ATRNL1: variants seen among roughly 807,000 people sequenced by gnomAD.
ATRNL1 encodes attractin like 1.
ATRNL1 carries 95 observed loss-of-function variants against 182.7 expected under a neutral mutation model. The ratio of observed to expected loss-of-function variants is 0.52; its 90% CI spans 0.44 to 0.62. The LOEUF is 0.62. ATRNL1 is among the 20% of genes least tolerant of loss of function. The probability of loss-of-function intolerance (pLI) is 0.00; values close to 1 mark genes in which losing one functional copy is unlikely to be tolerated. For synonymous variants in ATRNL1, 576 were observed against 568.3 expected (o/e 1.01, Z -0.19); for missense variants, 1,471 against 1,679.5 (o/e 0.88, Z 2.17).
At chr10:115,351,126 T>C (rs1320228893) in intron 19 of ATRNL1, among the ~76,000 whole-genome samples, 2 of 152,192 alleles carry the variant, frequency 1.3e-5, no homozygotes, top group Non-Finnish European at 2.9e-5. Flanking sequence ...ATTTATTTAT[T>C]AGTTCTAATA....
At chr10:115,737,436 A>C (rs544434154) in intron 27 of ATRNL1, among the ~76,000 whole-genome samples, 1 of 146,692 alleles carries the variant, frequency 6.8e-6, no homozygotes, top group South Asian at 2.1e-4. Flanking sequence ...ACCCTGTCTA[A>C]AAAAAAAAAA....
chr10:115,564,838 AT>A (rs1853979352), intron 26 of ATRNL1, among the ~76,000 whole-genome samples: 1 of 151,980 alleles, frequency 6.6e-6, no homozygotes, highest in Non-Finnish European at 1.5e-5. Context: ...TAATAATAGC[AT>A]ATTCTTTATA....
intron 19 of ATRNL1, among the ~76,000 whole-genome samples, chr10:115,386,903 G>A (rs1281927872): frequency 1.4e-5 from 2 of 144,904 alleles, no homozygotes; most frequent in East Asian, 2.1e-4. Flanking sequence ...CTATGAGTGA[G>A]AACATGCGGT....
chr10:115,852,678 G>A (rs1951083966), intron 28 of ATRNL1, among the ~76,000 whole-genome samples: 1 of 152,288 alleles, frequency 6.6e-6, no homozygotes, highest in South Asian at 2.1e-4. Flanking sequence ...TCATCACTGT[G>A]TCCCTGTGGA....
intron 11 of ATRNL1, among the ~76,000 whole-genome samples, chr10:115,266,467 A>G (rs938249705): frequency 9.2e-5 from 14 of 151,586 alleles, no homozygotes; most frequent in African/African-American, 3.4e-4. Flanking sequence ...TTTTTCTGAC[A>G]AAGGAATATT....
At chr10:115,275,188 A>C (rs368049063) in intron 13 of ATRNL1, among the ~76,000 whole-genome samples, 1 of 152,126 alleles carries the variant, frequency 6.6e-6, no homozygotes, top group African/African-American at 2.4e-5. Flanking sequence ...GCTGCTGAGT[A>C]TGTCTATTCC....
At chr10:115,386,835 C>G (rs1394009482) in intron 19 of ATRNL1, among the ~76,000 whole-genome samples, 1 of 116,792 alleles carries the variant, frequency 8.6e-6, no homozygotes, top group Non-Finnish European at 1.7e-5. Context: ...CCACAACAGT[C>G]CCCAGAGTGT....
chr10:115,926,252 T>C (rs782043297), intron 28 of ATRNL1, among the ~76,000 whole-genome samples: 5 of 152,084 alleles, frequency 3.3e-5, no homozygotes, highest in Non-Finnish European at 1.5e-5. Flanking sequence ...GAGACACAGC[T>C]AAAGTGGTGT....
At chr10:115,342,727 T>C (rs539160540) in intron 19 of ATRNL1, among the ~76,000 whole-genome samples, 4 of 151,730 alleles carry the variant, frequency 2.6e-5, no homozygotes, top group African/African-American at 9.7e-5. Flanking sequence ...TTAATGTCAT[T>C]TTTTTTTTCT....
chr10:115,892,939 A>G (rs1952115110), intron 28 of ATRNL1, among the ~76,000 whole-genome samples: 1 of 152,246 alleles, frequency 6.6e-6, no homozygotes, highest in South Asian at 2.1e-4. Flanking sequence ...AATACTTTAG[A>G]GAGACTCAAG....
intron 28 of ATRNL1, among the ~76,000 whole-genome samples, chr10:115,904,026 C>G (rs1555114065): frequency 2.0e-5 from 3 of 152,090 alleles, no homozygotes; most frequent in African/African-American, 7.2e-5. Flanking sequence ...AGGACGGCCT[C>G]AGACCAAGAG....
intron 21 of ATRNL1, among the ~76,000 whole-genome samples, chr10:115,439,893 G>T (rs1201217075): frequency 1.3e-5 from 2 of 151,738 alleles, no homozygotes; most frequent in African/African-American, 2.4e-5. Context: ...TTATATGAAA[G>T]AATTATTATT....
intron 5 of ATRNL1, among the ~76,000 whole-genome samples, chr10:115,152,704 A>G (rs1179498625): frequency 2.6e-5 from 4 of 152,092 alleles, no homozygotes; most frequent in African/African-American, 7.2e-5. Context: ...AATACCCTCT[A>G]TTTCTTTCTC....
At chr10:115,342,950 G>A (rs184462483) in intron 19 of ATRNL1, among the ~76,000 whole-genome samples, 5 of 151,900 alleles carry the variant, frequency 3.3e-5, no homozygotes, top group Admixed American at 1.3e-4. Context: ...ATTGTCTCCC[G>A]GCCCATAAGG....
At chr10:115,567,131 A>C (rs1220296061) in intron 26 of ATRNL1, among the ~76,000 whole-genome samples, 1 of 152,162 alleles carries the variant, frequency 6.6e-6, no homozygotes, top group Admixed American at 6.6e-5. Context: ...TTAGTTTTCA[A>C]ACTGAACATT....
chr10:115,284,679 T>C (rs1554918086), intron 14 of ATRNL1, among the ~76,000 whole-genome samples: 1 of 152,194 alleles, frequency 6.6e-6, no homozygotes, highest in Non-Finnish European at 1.5e-5. Context: ...TTTAAAATTT[T>C]CCATTTGTTA....
At chr10:115,837,488 A>T (rs1274587914) in intron 27 of ATRNL1, among the ~76,000 whole-genome samples, 4 of 125,060 alleles carry the variant, frequency 3.2e-5, no homozygotes, top group African/African-American at 7.7e-5. Context: ...ACACACACAC[A>T]CACACACACA....
intron 1 of ATRNL1, among the ~76,000 whole-genome samples, chr10:115,103,966 C>T (rs1554865284): frequency 6.6e-6 from 1 of 152,088 alleles, no homozygotes; most frequent in African/African-American, 2.4e-5. Flanking sequence ...TGGTTGCTTC[C>T]AAATTTTGGC....
chr10:115,778,330 GA>G (rs557142533), intron 27 of ATRNL1, among the ~76,000 whole-genome samples: 2 of 150,658 alleles, frequency 1.3e-5, no homozygotes, highest in East Asian at 3.9e-4. Context: ...AAGAGGTAAG[GA>G]AAAAAAACTG....
Sources: allele counts gnomAD v4.1 joint callset (sites outside exome capture counted in the v4.1 genomes callset), GRCh38; gene constraint gnomAD v4.1.1; transcripts MANE v1.5; gene names NCBI Gene and HGNC (gene_info 2026-07-23, HGNC 2026-07-21).